The following ADAMTSL1 variants were observed in gnomAD, a reference collection of about 807,000 sequenced individuals.
ADAMTSL1 encodes ADAMTS like 1.
ADAMTSL1 carries 126 observed loss-of-function variants against 201.8 expected under a neutral mutation model. That is an observed-to-expected ratio of 0.62 (90% CI 0.54 to 0.72). The LOEUF is 0.72. Ranked by LOEUF, ADAMTSL1 falls within the 30% of genes least tolerant of loss-of-function variation. The probability of loss-of-function intolerance (pLI) is 0.00; values close to 1 mark genes in which losing one functional copy is unlikely to be tolerated. For missense variants in ADAMTSL1, 2,679 were observed against 2,277.8 expected (o/e 1.18, Z -3.59); for synonymous variants, 1,121 against 903.4 (o/e 1.24, Z -4.32).
intron 22 of ADAMTSL1, 75 bp from the exon 23 acceptor site, chr9:18,829,768 A>G: frequency 6.3e-7 from 1 of 1,583,618 alleles, no homozygotes; most frequent in Non-Finnish European, 8.6e-7. Context: ...ACACACATGC[A>G]TACCCACCTC....
At chr9:18,172,291 C>T (rs969945770) in intron 2 of ADAMTSL1, among the ~76,000 whole-genome samples, 1 of 151,752 alleles carries the variant, frequency 6.6e-6, no homozygotes, top group African/African-American at 2.4e-5. Flanking sequence ...AAAAGAACTC[C>T]TAGAGATCAT....
chr9:18,079,784 G>C (rs1823406840), intron 1 of ADAMTSL1, among the ~76,000 whole-genome samples: 1 of 152,062 alleles, frequency 6.6e-6, no homozygotes, highest in Non-Finnish European at 1.5e-5. Flanking sequence ...ATGGTGGAAA[G>C]CATCCAGATT....
At chr9:18,470,674 C>T (rs1010650392), upstream of ADAMTSL1, among the ~76,000 whole-genome samples, 9 of 152,256 alleles carry the variant, frequency 5.9e-5, no homozygotes, top group Admixed American at 4.6e-4. Flanking sequence ...AGACTTGTAA[C>T]GAATTCTCCC....
At chr9:18,792,394 TCATAGTAGGACCAAAA>T (rs1822117530) in intron 19 of ADAMTSL1, among the ~76,000 whole-genome samples, 1 of 152,144 alleles carries the variant, frequency 6.6e-6, no homozygotes, top group Non-Finnish European at 1.5e-5. Flanking sequence ...ATTACTTAAA[TCATAGTAGGACCAAAA>T]CAAAGTTCAG....
chr9:18,671,032 G>C (rs553323422), intron 9 of ADAMTSL1, among the ~76,000 whole-genome samples: 1 of 152,232 alleles, frequency 6.6e-6, no homozygotes, highest in Non-Finnish European at 1.5e-5. Context: ...GTAAATAATT[G>C]TTATACTATA....
chr9:18,499,638 G>A (rs1220300188), intron 1 of ADAMTSL1, among the ~76,000 whole-genome samples: 1 of 152,154 alleles, frequency 6.6e-6, no homozygotes, highest in African/African-American at 2.4e-5. Flanking sequence ...ATTTGATACA[G>A]CCACATACAC....
intron 4 of ADAMTSL1, among the ~76,000 whole-genome samples, chr9:18,577,702 GT>G (rs569798519): frequency 4.6e-4 from 70 of 152,208 alleles, no homozygotes; most frequent in African/African-American, 1.7e-3. Context: ...AAAATTTTAA[GT>G]TGAAAAATAT....
chr9:18,348,701 G>A (rs541606156), intron 2 of ADAMTSL1, among the ~76,000 whole-genome samples: 5 of 152,218 alleles, frequency 3.3e-5, no homozygotes, highest in African/African-American at 1.2e-4. Flanking sequence ...CTGGGACCAC[G>A]TGGCCCGTAA....
chr9:18,174,220 G>C (rs1587226970), intron 2 of ADAMTSL1, among the ~76,000 whole-genome samples: 1 of 152,122 alleles, frequency 6.6e-6, no homozygotes, highest in East Asian at 1.9e-4. Context: ...TCTTCCCAAG[G>C]AGTCCCTTAG....
At chr9:18,213,094 A>G (rs1447470810) in intron 2 of ADAMTSL1, among the ~76,000 whole-genome samples, 1 of 152,174 alleles carries the variant, frequency 6.6e-6, no homozygotes, top group African/African-American at 2.4e-5. Flanking sequence ...ATTCTCATGA[A>G]CGCTCACACC....
chr9:18,879,684 C>T (rs1022167405), intron 23 of ADAMTSL1, among the ~76,000 whole-genome samples: 1 of 152,164 alleles, frequency 6.6e-6, no homozygotes, highest in Non-Finnish European at 1.5e-5. Context: ...GAGCCTTAAG[C>T]AAGTCTAATC....
intron 2 of ADAMTSL1, among the ~76,000 whole-genome samples, chr9:18,206,870 G>A (rs1829669178): frequency 6.6e-6 from 1 of 152,064 alleles, no homozygotes; most frequent in Non-Finnish European, 1.5e-5. Flanking sequence ...AGCAAGGAAA[G>A]AAAGTGGAGT....
chr9:17,987,090 C>A (rs1314876608), intron 1 of ADAMTSL1, among the ~76,000 whole-genome samples: 14 of 152,032 alleles, frequency 9.2e-5, no homozygotes, highest in Admixed American at 7.9e-4. Flanking sequence ...GTGAGAATAA[C>A]TTCTTTTATA....
intron 4 of ADAMTSL1, among the ~76,000 whole-genome samples, chr9:18,589,153 A>G (rs1823746796): frequency 6.6e-6 from 1 of 151,968 alleles, no homozygotes; most frequent in Non-Finnish European, 1.5e-5. Flanking sequence ...CTGGGATTAC[A>G]GGCATGAGTT....
At chr9:18,850,569 C>T (rs1399367229) in intron 23 of ADAMTSL1, among the ~76,000 whole-genome samples, 1 of 152,182 alleles carries the variant, frequency 6.6e-6, no homozygotes, top group East Asian at 1.9e-4. Context: ...AGACAGAGGA[C>T]AGGGCACCTC....
intron 1 of ADAMTSL1, among the ~76,000 whole-genome samples, chr9:17,948,374 A>G (rs1040289937): frequency 6.6e-6 from 1 of 152,168 alleles, no homozygotes; most frequent in Non-Finnish European, 1.5e-5. Context: ...TGACTGGTGA[A>G]TTAGCAGCTT....
At chr9:18,015,421 G>A (rs1180377306) in intron 1 of ADAMTSL1, among the ~76,000 whole-genome samples, 1 of 152,000 alleles carries the variant, frequency 6.6e-6, no homozygotes, top group East Asian at 1.9e-4. Flanking sequence ...TCCTATTCCT[G>A]CCACTCCCTT....
chr9:18,031,043 G>A lies in ADAMTSL1; in HGVS notation c.87+124121G>A, dbSNP rs553656698. ...TTTGGTTTTTTCTTAAAATGGCTAC[G>A]TCATCTTTTAAACTCTTGGATTGTT... On this transcript the variant is annotated intron_variant, in intron 1 of 29. Coordinates refer to the ADAMTSL1 transcript ENST00000680146. Among the ~76,000 whole-genome samples, 6 of 152,120 alleles carry A rather than the reference G, an allele frequency of 3.9e-5. No individual in the cohort carries two copies. The South Asian group carries it at 6.2e-4, about 16-fold the overall frequency.
chr9:18,604,401 C>T (rs374058693), intron 4 of ADAMTSL1, among the ~76,000 whole-genome samples: 8 of 152,310 alleles, frequency 5.3e-5, no homozygotes, highest in African/African-American at 1.7e-4. Context: ...AGGAAACTTT[C>T]ACTTTCTATG....
Sources: gnomAD v4.1 joint callset for allele counts (sites outside exome capture counted in the v4.1 genomes callset) on GRCh38, gnomAD v4.1.1 for gene constraint, MANE v1.5 for transcripts, NCBI Gene and HGNC (gene_info 2026-07-23, HGNC 2026-07-21) for gene names.